Variants in KIF13B observed in about 807,000 individuals in gnomAD.
The protein encoded by KIF13B is kinesin family member 13B, also known as kinesin-like protein KIF13B.
KIF13B carries 127 observed loss-of-function variants against 222.0 expected under a neutral mutation model. The observed-to-expected ratio is 0.57, with a 90% CI of 0.50 to 0.66. The LOEUF (loss-of-function observed/expected upper bound fraction) is 0.66. KIF13B is among the 30% of genes least tolerant of loss of function. The pLI is 0.00. For missense variants in KIF13B, 2,173 were observed against 2,379.0 expected (o/e 0.91, Z 1.80); for synonymous variants, 976 against 919.0 (o/e 1.06, Z -1.12).
chr8:29,075,612 A>G (rs1049141497), intron 37 of KIF13B, among the ~76,000 whole-genome samples: 2 of 152,234 alleles, frequency 1.3e-5, no homozygotes, highest in African/African-American at 4.8e-5. Flanking sequence ...CCAATCACAT[A>G]TGCACATGTG....
intron 3 of KIF13B, 100 bp downstream of exon 3, chr8:29,196,087 G>T: frequency 9.6e-7 from 1 of 1,039,008 alleles, no homozygotes; most frequent in Non-Finnish European, 1.4e-6. Flanking sequence ...TGTACAAAAT[G>T]ATAGAAAATA....
chr8:29,140,219 T>C (rs1290014324), intron 20 of KIF13B, 28 bp from the exon 21 acceptor site: 2 of 1,612,492 alleles, frequency 1.2e-6, no homozygotes, highest in Non-Finnish European at 1.7e-6. Flanking sequence ...GGCAGAAACA[T>C]TTCTCCAGAT....
At chr8:29,072,748 G>A (rs564226789) in intron 38 of KIF13B, among the ~76,000 whole-genome samples, 1 of 152,228 alleles carries the variant, frequency 6.6e-6, no homozygotes, top group Admixed American at 6.5e-5. Flanking sequence ...AGAATCCAGG[G>A]CCTGCCATGC....
chr8:29,086,770 T>C (rs1362937969), intron 37 of KIF13B, among the ~76,000 whole-genome samples: 1 of 152,214 alleles, frequency 6.6e-6, no homozygotes, highest in Non-Finnish European at 1.5e-5. Flanking sequence ...TTGATCCAGA[T>C]TCCTTTTAGG....
At chr8:29,144,403 G>A (rs1181956556) in intron 18 of KIF13B, among the ~76,000 whole-genome samples, 4 of 151,926 alleles carry the variant, frequency 2.6e-5, no homozygotes, top group African/African-American at 9.7e-5. Flanking sequence ...GATTACAGGC[G>A]CCTGCCACCA....
intron 7 of KIF13B, 29 bp from the exon 8 acceptor site, chr8:29,180,267 T>C (rs1812657417): frequency 1.2e-6 from 2 of 1,612,218 alleles, no homozygotes; most frequent in Non-Finnish European, 1.7e-6. Context: ...TAGACCCACG[T>C]TTCATTACTT....
At chr8:29,155,600 G>A (rs1052640375) in intron 14 of KIF13B, 126 bp downstream of exon 14, 38 of 733,496 alleles carry the variant, frequency 5.2e-5, no homozygotes, top group Admixed American at 4.0e-4. Context: ...AATGTAAGGG[G>A]CCCGCCCAAC....
intron 21 of KIF13B, among the ~76,000 whole-genome samples, chr8:29,136,247 G>C (rs1015843965): frequency 6.6e-6 from 1 of 152,126 alleles, no homozygotes; most frequent in South Asian, 2.1e-4. Context: ...TGGCATTTGG[G>C]AAGATTACAA....
In KIF13B at chr8:29,070,367, C is replaced by T; in HGVS notation, c.*137G>A. 4.2e-6 allele frequency: 4 copies of T among 946,556 alleles called. No homozygotes were observed. Among genetic ancestry groups the T allele is most frequent in the Non-Finnish European group, 6.3e-6 (4 of 635,896 alleles). 58.6% of individuals were successfully genotyped at this position (946,556 alleles called of 1,614,324 possible). A position where few individuals can be genotyped will look rare whatever the true frequency, so the allele number is the denominator to read the frequency against. On this transcript the variant is annotated 3_prime_UTR_variant, in exon 40 of 40. Coordinates refer to ENST00000524189, the MANE Select transcript of KIF13B (RefSeq NM_015254.4). The surrounding 1 kb of genome is among the most constrained non-coding windows in gnomAD (Gnocchi z 4.1). ...TCCAGAGGCCCAGGGAGGTCACCAGCCCTGTGTCGTGCAAAAAGCATTCAT... is the reference window on the plus strand; with the variant it reads ...TCCAGAGGCCCAGGGAGGTCACCAGTCCTGTGTCGTGCAAAAAGCATTCAT...
chr8:29,191,057 C>T lies in KIF13B; in HGVS notation c.163G>A (p.Val55Met), dbSNP rs558541168. Residue 55 changes from valine (V) to methionine (M), a missense_variant and splice_region_variant, in exon 4 of 40, where the codon GTG becomes ATG. Coordinates refer to ENST00000524189, the MANE Select transcript of KIF13B (RefSeq NM_015254.4). The part of the protein sequence containing the change: ...SKGDARGQPK[V>M]FAYDHCFWSM... ...CAGAAACAATGATCATAAGCAAACA[C>T]CTGTTGAAAATGAACATAAGTGTGT... 1.4e-5 allele frequency: 22 copies of T among 1,606,164 alleles called. No homozygotes were observed. The South Asian group carries it at 2.4e-4, about 18-fold the overall frequency.
At chr8:29,165,845 GACAAAAGTA>G in intron 11 of KIF13B, 73 bp from the exon 12 acceptor site, 1 of 1,020,292 alleles carries the variant, frequency 9.8e-7, no homozygotes, top group East Asian at 2.4e-5. Flanking sequence ...ACTCTAAAAG[GACAAAAGTA>G]ACAATCTGCC....
In KIF13B at chr8:29,128,360, G is replaced by C. The variant is rs1047050427; in HGVS notation, c.3076-1092C>G. Among the ~76,000 whole-genome samples the C allele has an allele frequency of 3.9e-5, 6 of 152,086 alleles. No individual in the cohort carries two copies. In the East Asian group the frequency reaches 1.2e-3, roughly 29 times the overall value. On this transcript the variant is annotated intron_variant, in intron 24 of 39. Transcript: ENST00000524189. The stretch of plus-strand genomic sequence containing the variant: ...GTTCAATTGCAAGTCAATTACTCTT[G>C]CCCTCTTCCATCAGATTTTAGTTCC...
rs76408354 is a variant in KIF13B, at chr8:29,217,533, G to A, written c.150-21334C>T. Among the ~76,000 whole-genome samples the A allele has an allele frequency of 4.5e-3, 685 of 152,312 alleles. 4 individuals carry two copies. The highest frequency in any genetic ancestry group is 0.016 in the African/African-American group (646 of 41,560). On this transcript the variant is annotated intron_variant, in intron 2 of 39. Transcript: ENST00000524189. ...GCCTGGCACATAATAAGCATTCAGT[G>A]TTAGTGTCTTTATTATTTATTTCTT...
intron 37 of KIF13B, 63 bp from the exon 38 acceptor site, chr8:29,075,406 C>G: frequency 6.9e-7 from 1 of 1,452,336 alleles, no homozygotes; most frequent in Non-Finnish European, 9.3e-7. Context: ...AGAAAGGTTT[C>G]CGCTGCACAG....
rs562048220 is a variant in KIF13B at position 29,161,627 on chromosome 8, T to C, written c.1270-760A>G. 4.7e-5 allele frequency among the ~76,000 whole-genome samples: 7 copies of C among 150,164 alleles called. No homozygotes were observed. The East Asian group carries it at 1.4e-3, about 30-fold the overall frequency. ...AGGAGAATCACTTGAACCCGGGAGG[T>C]GGAGGTTGTGGTGAGCCGAGATCAT... On this transcript the variant is annotated intron_variant, in intron 12 of 39. Coordinates refer to ENST00000524189, the MANE Select transcript of KIF13B (RefSeq NM_015254.4).
At position 29,147,605 on chromosome 8, in the gene KIF13B, A is replaced by G; in HGVS notation, c.1814-3T>C. The stretch of plus-strand genomic sequence containing the variant: ...GTTTAATATGGACTGCATCGGATCT[A>G]AACACATTTTTAAAAAAGATACATG... On this transcript the variant is annotated splice_region_variant and splice_polypyrimidine_tract_variant and intron_variant, in intron 16 of 39. Coordinates refer to ENST00000524189, the MANE Select transcript of KIF13B (RefSeq NM_015254.4). The G allele has an allele frequency of 6.2e-7, 1 of 1,603,838 alleles. No individual in the cohort carries two copies. Among genetic ancestry groups the G allele is most frequent in the Non-Finnish European group, 8.5e-7 (1 of 1,173,008 alleles).
chr8:29,108,287 G>A (rs1048317160), intron 34 of KIF13B, 95 bp from the exon 35 acceptor site: 23 of 1,172,210 alleles, frequency 2.0e-5, no homozygotes, highest in African/African-American at 1.2e-4. Flanking sequence ...TCAACCGAAC[G>A]TCAAAGTTGG....
intron 4 of KIF13B, among the ~76,000 whole-genome samples, chr8:29,189,073 A>G (rs1266698793): frequency 6.6e-6 from 1 of 152,192 alleles, no homozygotes; most frequent in Non-Finnish European, 1.5e-5. Flanking sequence ...CAGTTAGGAC[A>G]GGGAGTCAGA....
intron 2 of KIF13B, among the ~76,000 whole-genome samples, chr8:29,216,759 G>T (rs578135107): frequency 1.7e-4 from 26 of 152,184 alleles, no homozygotes; most frequent in African/African-American, 6.3e-4. Flanking sequence ...ATCTTATTTG[G>T]ACTGTTGTTT....
Sources: gnomAD v4.1 joint callset for allele counts (sites outside exome capture counted in the v4.1 genomes callset) on GRCh38, gnomAD v4.1.1 for gene constraint, Gnocchi (gnomAD v3.1) non-coding constraint, MANE v1.5 for transcripts, NCBI Gene and HGNC (gene_info 2026-07-23, HGNC 2026-07-21) for gene names.